COG5: variants seen among roughly 807,000 people sequenced by gnomAD.
COG5 encodes component of oligomeric golgi complex 5.
A neutral mutation model predicts 110.4 loss-of-function variants in COG5; 86 were observed. The ratio of observed to expected loss-of-function variants is 0.78; its 90% CI spans 0.65 to 0.93. The LOEUF (loss-of-function observed/expected upper bound fraction) is 0.93. Among genes scored for constraint, COG5 ranks in the 40% least tolerant of loss-of-function variants. COG5 has a pLI of 0.00. For missense variants in COG5, 1,077 were observed against 987.0 expected (o/e 1.09, Z -1.22); for synonymous variants, 360 against 334.6 (o/e 1.08, Z -0.83).
chr7:107,304,247 TATAA>T (rs1369102024), intron 11 of COG5, among the ~76,000 whole-genome samples: 2 of 152,148 alleles, frequency 1.3e-5, no homozygotes, highest in Admixed American at 1.3e-4. Context: ...GATTAAAGGA[TATAA>T]ATAGTCTATG....
intron 13 of COG5, 106 bp from the exon 14 acceptor site, chr7:107,281,505 T>G: frequency 1.2e-6 from 1 of 839,338 alleles, no homozygotes; most frequent in Admixed American, 2.0e-5. Context: ...TTATTCTTTT[T>G]ATAGATTTCA....
rs747049978 is a variant in COG5, at chr7:107,230,632, C to T, written c.2151G>A (p.Arg717=). The change falls in exon 19 of 22, where the codon CGG becomes CGA. Residue 717 remains arginine, a synonymous_variant. Transcript: ENST00000297135. The part of the protein sequence containing the change: ...RRVSDLGKSY[R]MLRSFRPLLF... Reference sequence around the variant, plus strand: ...GGTCTTACCTGAATGATCTCAGCATCCGATAGGACTTTCCTAAATCAGATA... The same window carrying T: ...GGTCTTACCTGAATGATCTCAGCATTCGATAGGACTTTCCTAAATCAGATA... 3 of 1,612,844 alleles carry T rather than the reference C, an allele frequency of 1.9e-6. No homozygotes were observed. The South Asian group carries it at 3.3e-5, about 18-fold the overall frequency.
chr7:107,457,170 C>T (rs1347136181), intron 6 of COG5, among the ~76,000 whole-genome samples: 2 of 151,930 alleles, frequency 1.3e-5, no homozygotes, highest in Non-Finnish European at 2.9e-5. Flanking sequence ...TAAAGAAACA[C>T]ATGAATAGAG....
intron 8 of COG5, among the ~76,000 whole-genome samples, chr7:107,363,057 T>C (rs1584730906): frequency 6.6e-6 from 1 of 152,212 alleles, no homozygotes; most frequent in East Asian, 1.9e-4. Context: ...CTGAAACTAG[T>C]TTAGGTATAT....
In COG5 at chr7:107,372,006, T is replaced by C. The variant is rs568223211; in HGVS notation, c.835+589A>G. ...TCTTTTACGGAGAACTGTGTGTATA[T>C]GTAAATATCACCAGGTATGTCTTGG... is the stretch of plus-strand genomic sequence containing the variant. On this transcript the variant is annotated intron_variant, in intron 8 of 21. Coordinates refer to ENST00000297135, the MANE Select transcript of COG5 (RefSeq NM_006348.5). 3.3e-5 allele frequency among the ~76,000 whole-genome samples: 5 copies of C among 152,330 alleles called. No individual in the cohort carries two copies. In the East Asian group the frequency reaches 9.6e-4, roughly 29 times the overall value.
intron 17 of COG5, among the ~76,000 whole-genome samples, chr7:107,241,316 G>C (rs1462413779): frequency 1.3e-5 from 2 of 150,874 alleles, no homozygotes; most frequent in African/African-American, 4.9e-5. Context: ...GTAATCAGCA[G>C]TTATATAATC....
chr7:107,412,352 CG>C, intron 7 of COG5, 149 bp downstream of exon 7: 5 of 660,482 alleles, frequency 7.6e-6, no homozygotes, highest in East Asian at 2.9e-5. Context: ...TTTCCCTTAA[CG>C]ATGACCCATT....
intron 6 of COG5, chr7:107,470,429 T>A (rs137890905): frequency 2.0e-5 from 3 of 152,180 alleles, no homozygotes; most frequent in Non-Finnish European, 4.4e-5. Flanking sequence ...CAAGAATTTA[T>A]CAAATCTTTA....
intron 11 of COG5, among the ~76,000 whole-genome samples, chr7:107,300,514 C>G (rs1293204329): frequency 6.6e-6 from 1 of 152,110 alleles, no homozygotes; most frequent in East Asian, 1.9e-4. Context: ...AAAACTCAGT[C>G]ATATGTCTGT....
At chr7:107,486,129 CA>C (rs909356201) in intron 6 of COG5, among the ~76,000 whole-genome samples, 17 of 149,472 alleles carry the variant, frequency 1.1e-4, no homozygotes, top group South Asian at 2.1e-4. Context: ...TTTGCCAGGC[CA>C]AAAAAAAATT....
At chr7:107,478,846 C>G (rs1183776627) in intron 6 of COG5, among the ~76,000 whole-genome samples, 1 of 151,956 alleles carries the variant, frequency 6.6e-6, no homozygotes, top group Non-Finnish European at 1.5e-5. Flanking sequence ...AATCTAAAAT[C>G]ATTAGAAAAC....
chr7:107,536,680 A>C (rs550578103), intron 5 of COG5, among the ~76,000 whole-genome samples: 43 of 152,348 alleles, frequency 2.8e-4, no homozygotes, highest in African/African-American at 8.7e-4. Flanking sequence ...GAAAATGGCC[A>C]TTCTGCCCAA....
intron 13 of COG5, among the ~76,000 whole-genome samples, chr7:107,281,898 A>G (rs1805199207): frequency 6.6e-6 from 1 of 152,160 alleles, no homozygotes; most frequent in Admixed American, 6.5e-5. Context: ...ATAATATAAA[A>G]GCATAACAGG....
At chr7:107,342,368 C>CAAAAA (rs796981383) in intron 10 of COG5, among the ~76,000 whole-genome samples, 4 of 97,776 alleles carry the variant, frequency 4.1e-5, no homozygotes, top group Non-Finnish European at 4.2e-5. Flanking sequence ...ACAAACAAAC[C>CAAAAA]AAAAAAAAAA....
chr7:107,209,682 G>C (rs1243203367), intron 21 of COG5: 1 of 345,304 alleles, frequency 2.9e-6, no homozygotes, highest in Non-Finnish European at 4.1e-6. Flanking sequence ...GATGGCTGTG[G>C]TGTAATGCAA....
At chr7:107,233,402 C>T (rs546334064) in intron 18 of COG5, among the ~76,000 whole-genome samples, 1 of 152,274 alleles carries the variant, frequency 6.6e-6, no homozygotes, top group Non-Finnish European at 1.5e-5. Context: ...GACCTGGATT[C>T]CTAAGGGGGC....
chr7:107,259,393 C>T (rs921317486), intron 14 of COG5, among the ~76,000 whole-genome samples: 9 of 152,052 alleles, frequency 5.9e-5, no homozygotes, highest in Non-Finnish European at 1.2e-4. Context: ...AATGCTTAAC[C>T]ACTTAGAAGA....
At chr7:107,263,528 A>G (rs1277613077) in intron 14 of COG5, among the ~76,000 whole-genome samples, 1 of 152,124 alleles carries the variant, frequency 6.6e-6, no homozygotes, top group Non-Finnish European at 1.5e-5. Context: ...AGAAACAAGA[A>G]GAGTTGCATT....
chr7:107,348,415 T>G (rs1415515202), intron 10 of COG5, among the ~76,000 whole-genome samples: 1 of 152,164 alleles, frequency 6.6e-6, no homozygotes, highest in Non-Finnish European at 1.5e-5. Flanking sequence ...AAAAACCATA[T>G]GGGCCTACTA....
Sources: gnomAD v4.1 joint callset for allele counts (sites outside exome capture counted in the v4.1 genomes callset) on GRCh38, gnomAD v4.1.1 for gene constraint, MANE v1.5 for transcripts, NCBI Gene and HGNC (gene_info 2026-07-23, HGNC 2026-07-21) for gene names.